Variants in BRMS1 observed in about 807,000 individuals in gnomAD.
BRMS1 encodes BRMS1 transcriptional repressor and anoikis regulator.
BRMS1 carries 26 observed loss-of-function variants against 40.4 expected under a neutral mutation model. The ratio of observed to expected loss-of-function variants is 0.64; its 90% CI spans 0.47 to 0.89. The LOEUF (loss-of-function observed/expected upper bound fraction) is 0.89, where lower values mean the gene tolerates loss of function less well. Ranked by LOEUF, BRMS1 falls within the 40% of genes least tolerant of loss-of-function variation. The pLI is 0.00. For synonymous variants in BRMS1, 103 were observed against 116.0 expected, an observed-to-expected ratio of 0.89 and a Z score of 0.72; for missense variants, 289 against 309.4, an observed-to-expected ratio of 0.93 and a Z score of 0.49.
intron 8 of BRMS1, 175 bp from the exon 9 acceptor site, chr11:66,338,457 G>A (rs1410701706): frequency 1.3e-6 from 2 of 1,511,338 alleles, no homozygotes; most frequent in Non-Finnish European, 1.8e-6. Context: ...GGCCAGCTCA[G>A]CGGCTCTCCC....
rs770779856 is a variant in BRMS1 at position 66,341,158 on chromosome 11, G to T, written c.358+48C>A. The T allele has an allele frequency of 3.1e-6, 5 of 1,611,566 alleles. No individual in the cohort carries two copies. In the South Asian group the frequency reaches 5.5e-5, roughly 18 times the overall value. ...AGGAACGAGAGAGGAAGGGGACAGG[G>T]TGCCACGGGTTCTGGGAGGGGAAGA... On this transcript the variant is annotated intron_variant, in intron 4 of 9. Transcript: ENST00000359957. This position sits in a 1 kb window ranked among gnomAD's most constrained non-coding sequence, Gnocchi z 4.9.
At chr11:66,339,104 G>A (rs1408915755) in intron 7 of BRMS1, among the ~76,000 whole-genome samples, 1 of 152,172 alleles carries the variant, frequency 6.6e-6, no homozygotes, top group Non-Finnish European at 1.5e-5. Context: ...TCCAAAGACA[G>A]ACGCAGGGCT....
chr11:66,341,846 T>A lies in BRMS1; in HGVS notation c.140-223A>T. The A allele has an allele frequency of 4.5e-6, 3 of 665,782 alleles. No homozygotes were observed. The highest frequency in any genetic ancestry group is 3.9e-4 in the Middle Eastern group (1 of 2,542). 41.2% of individuals were successfully genotyped at this position (665,782 alleles called of 1,614,324 possible). On this transcript the variant is annotated intron_variant, in intron 2 of 9. Transcript: ENST00000359957. This position sits in a 1 kb window ranked among gnomAD's most constrained non-coding sequence, Gnocchi z 4.9. ...TGCGTGCTTGTGTGAAGGGGCTGTGTGCACGTGTACTTGTGTGAAGGGGCT... is the reference window on the plus strand; with the variant it reads ...TGCGTGCTTGTGTGAAGGGGCTGTGAGCACGTGTACTTGTGTGAAGGGGCT...
intron 5 of BRMS1, 21 bp downstream of exon 5, chr11:66,340,946 A>G (rs779336603): frequency 1.2e-6 from 2 of 1,613,992 alleles, no homozygotes; most frequent in Admixed American, 1.7e-5. Flanking sequence ...CCTCACCCCC[A>G]GTGTGCCCAA....
chr11:66,340,713 A>C (rs1173628381), intron 6 of BRMS1, 61 bp downstream of exon 6: 13 of 1,413,330 alleles, frequency 9.2e-6, no homozygotes, highest in Non-Finnish European at 1.3e-5. Flanking sequence ...TGAAGCCCAA[A>C]GAGGGGTGGG....
intron 1 of BRMS1, among the ~76,000 whole-genome samples, chr11:66,344,036 T>C (rs941664963): frequency 1.3e-5 from 2 of 152,226 alleles, no homozygotes; most frequent in Admixed American, 1.3e-4. Flanking sequence ...CACTGCTTTG[T>C]AGTCCTTTAG....
In BRMS1 at chr11:66,341,963, CTG is replaced by C; in HGVS notation, c.139+131_139+132del. On this transcript the variant is annotated intron_variant, in intron 2 of 9. Transcript: ENST00000359957. The surrounding 1 kb of genome is among the most constrained non-coding windows in gnomAD (Gnocchi z 4.9). ...GCGTGTGTGCGCTTGTGTGCAGGGT[CTG>C]TGTATGTGCTTGTGTGTAGGCGCTG... The C allele has an allele frequency of 2.1e-6, 2 of 950,542 alleles. No homozygotes were observed. Among genetic ancestry groups the C allele is most frequent in the South Asian group, 3.2e-5 (2 of 61,628 alleles). 58.9% of individuals were successfully genotyped at this position (950,542 alleles called of 1,614,324 possible).
chr11:66,343,569 A>G (rs1855133986), intron 1 of BRMS1, among the ~76,000 whole-genome samples: 1 of 152,186 alleles, frequency 6.6e-6, no homozygotes. Flanking sequence ...GCTTCCAGAC[A>G]AAGATGGACC....
rs972722443 is a variant in BRMS1, at chr11:66,338,264, G to C, written c.712C>G (p.Pro238Ala). The change falls in exon 9 of 10, where the codon CCT (proline) becomes GCT (alanine). Residue 238 changes from proline to alanine, a missense_variant. Physicochemically the swap from Pro to Ala is conservative, Grantham distance 27. Transcript: ENST00000359957. The stretch of plus-strand genomic sequence containing the variant: ...TTACCATCCGATTTTCTCTTCTGAG[G>C]GGACACAGCTGCCCTAGCCTGGGTG... ...AIKKARAAVS[P>A]QKRKSDGP 1 of 1,611,400 alleles carries C rather than the reference G, an allele frequency of 6.2e-7. No individual in the cohort carries two copies. The highest frequency in any genetic ancestry group is 2.2e-5 in the East Asian group (1 of 44,828).
At chr11:66,339,407 G>A (rs1430289667) in intron 7 of BRMS1, among the ~76,000 whole-genome samples, 1 of 152,218 alleles carries the variant, frequency 6.6e-6, no homozygotes, top group African/African-American at 2.4e-5. Flanking sequence ...CTGGGATGTG[G>A]GTACCCCATG....
chr11:66,344,558 G>A (rs958549905), intron 1 of BRMS1: 3 of 152,226 alleles, frequency 2.0e-5, no homozygotes, highest in East Asian at 3.8e-4. Flanking sequence ...TTCTGATTAT[G>A]AGTGAGTTAA....
rs757857414 is a variant in BRMS1, at chr11:66,341,618, C to A, written c.145G>T (p.Asp49Tyr). 2.2e-5 allele frequency: 35 copies of A among 1,613,920 alleles called. No individual in the cohort carries two copies. The highest frequency in any genetic ancestry group is 2.2e-5 in the Non-Finnish European group (26 of 1,180,024). ...CGGCGTCGCTCATAGTCCTCATCAT[C>A]CATCTCTGGGACAAGAGGCCAGTAA... ...TESEEESSEM[D>Y]DEDYERRRSE... Residue 49 changes from aspartate to tyrosine, a missense_variant, in exon 3 of 10, where the codon GAT (aspartate) becomes TAT (tyrosine). By Grantham distance (160) the Asp-to-Tyr change is radical. Coordinates refer to ENST00000359957, the MANE Select transcript of BRMS1 (RefSeq NM_015399.4). The surrounding 1 kb of genome is among the most constrained non-coding windows in gnomAD (Gnocchi z 4.9).
intron 7 of BRMS1, 154 bp downstream of exon 7, chr11:66,339,967 A>G (rs1185541529): frequency 3.3e-6 from 2 of 608,538 alleles, no homozygotes; most frequent in Non-Finnish European, 5.9e-6. Context: ...AACTGCTGAC[A>G]GCTGGATTTG....
In BRMS1 at chr11:66,340,238, T is replaced by C. The variant is rs58024886; in HGVS notation, c.536-25A>G. 7,179 of 1,601,854 alleles carry C rather than the reference T, an allele frequency of 4.5e-3. 300 individuals carry two copies. In the African/African-American group the frequency reaches 0.085, roughly 19 times the overall value. ...TCTGCCCCGAGACCCAGAGTTAGAA[T>C]TGGGGTGCTGGCCCACAGGATACTC... On this transcript the variant is annotated intron_variant, in intron 6 of 9. Transcript: ENST00000359957.
rs1446714430 is a variant in BRMS1 at position 66,343,384 on chromosome 11, A to G, written c.-7-1143T>C. ...CATCTAACATATGCTAGGTACCGTC[A>G]GACGCTATGGTATGCAGGCGCCCAA... On this transcript the variant is annotated intron_variant, in intron 1 of 9. Transcript: ENST00000359957. Among the ~76,000 whole-genome samples, 3 of 152,230 alleles carry G rather than the reference A, an allele frequency of 2.0e-5. No homozygotes were observed. In the East Asian group the frequency reaches 5.8e-4, roughly 29 times the overall value.
In BRMS1 at chr11:66,344,323, T is replaced by G. The variant is rs562302937; in HGVS notation, c.-8+649A>C. On this transcript the variant is annotated intron_variant, in intron 1 of 9. Coordinates refer to ENST00000359957, the MANE Select transcript of BRMS1 (RefSeq NM_015399.4). The stretch of plus-strand genomic sequence containing the variant: ...CTTTCCTTGACACCAGTTCAAGTTG[T>G]GTATAGTAAGCCTGGCCTAGGTGAG... 2.1e-4 allele frequency among the ~76,000 whole-genome samples: 32 copies of G among 152,310 alleles called. No homozygotes were observed. In the South Asian group the frequency reaches 6.0e-3, roughly 29 times the overall value.
intron 2 of BRMS1, 22 bp downstream of exon 2, chr11:66,342,074 G>GTGTGTA: frequency 6.2e-7 from 1 of 1,607,510 alleles, no homozygotes; most frequent in Non-Finnish European, 8.5e-7. Flanking sequence ...GTGTGTGTGT[G>GTGTGTA]TCTGTGTGTG....
chr11:66,337,694 G>A lies in BRMS1; in HGVS notation c.*188C>T. ...CAGCTCCACGGCCACAGCTGTGCAG[G>A]CCTCGAGGAGGGCAGAGGAGGAGTC... is the stretch of plus-strand genomic sequence containing the variant. On this transcript the variant is annotated 3_prime_UTR_variant, in exon 10 of 10. Transcript: ENST00000359957. 6.3e-7 allele frequency: 1 copy of A among 1,591,180 alleles called. No homozygotes were observed. The highest frequency in any genetic ancestry group is 8.5e-7 in the Non-Finnish European group (1 of 1,169,888).
chr11:66,340,745 T>C (rs1417698864), intron 6 of BRMS1, 29 bp downstream of exon 6: 1 of 1,591,640 alleles, frequency 6.3e-7, no homozygotes, highest in Non-Finnish European at 8.5e-7. Context: ...CGGGGCCCAG[T>C]TCCGGGGTGC....
Sources: gnomAD v4.1 joint callset for allele counts (sites outside exome capture counted in the v4.1 genomes callset) on GRCh38, gnomAD v4.1.1 for gene constraint, Gnocchi (gnomAD v3.1) non-coding constraint, MANE v1.5 for transcripts, NCBI Gene and HGNC (gene_info 2026-07-23, HGNC 2026-07-21) for gene names.